The following GRK5 variants were observed in gnomAD, a reference collection of about 807,000 sequenced individuals.
GRK5 encodes the protein g protein-coupled receptor kinase GRK5.
Under a neutral mutation model 78.4 loss-of-function variants are expected in GRK5, and 40 were observed. That is an observed-to-expected ratio of 0.51 (90% CI 0.40 to 0.66). The LOEUF (loss-of-function observed/expected upper bound fraction) is 0.66, where lower values mean the gene tolerates loss of function less well. Among genes scored for constraint, GRK5 ranks in the 30% least tolerant of loss-of-function variants. The probability of loss-of-function intolerance (pLI) is 0.00; values close to 1 mark genes in which losing one functional copy is unlikely to be tolerated. For missense variants in GRK5, 598 were observed against 759.9 expected, an observed-to-expected ratio of 0.79 and a Z score of 2.50; for synonymous variants, 289 against 296.8, an observed-to-expected ratio of 0.97 and a Z score of 0.27.
chr10:119,450,272 T>C (rs79750129), intron 13 of GRK5, among the ~76,000 whole-genome samples: 2 of 152,278 alleles, frequency 1.3e-5, no homozygotes, highest in African/African-American at 4.8e-5. Flanking sequence ...GGGCTACCTA[T>C]TGCTATGGTG....
intron 1 of GRK5, among the ~76,000 whole-genome samples, chr10:119,237,085 C>T (rs1232560777): frequency 2.8e-5 from 3 of 107,018 alleles, no homozygotes; most frequent in Admixed American, 1.3e-4. Flanking sequence ...TTTTTTGAGA[C>T]GGAGTCTCAC....
chr10:119,305,192 A>T (rs1202450539), intron 1 of GRK5, among the ~76,000 whole-genome samples: 1 of 152,088 alleles, frequency 6.6e-6, no homozygotes, highest in East Asian at 1.9e-4. Flanking sequence ...TGAGCTCCAG[A>T]GTCCCGTGGT....
chr10:119,322,059 C>T (rs1435417049), intron 1 of GRK5, among the ~76,000 whole-genome samples: 1 of 152,216 alleles, frequency 6.6e-6, no homozygotes, highest in Non-Finnish European at 1.5e-5. Flanking sequence ...TAGCTCACTG[C>T]AGCCTTGAAC....
In GRK5 at chr10:119,350,277, C is replaced by A. The variant is rs533912002; in HGVS notation, c.148+23666C>A. The stretch of plus-strand genomic sequence containing the variant: ...CTACACCTGTCTTATTTTTTCAGTG[C>A]GGCATTTAGCCATGGGAGGGAGAGG... On this transcript the variant is annotated intron_variant, in intron 2 of 15. Transcript: ENST00000392870. Among the ~76,000 whole-genome samples, 3 of 152,288 alleles carry A rather than the reference C, an allele frequency of 2.0e-5. No homozygotes were observed. In the East Asian group the frequency reaches 5.8e-4, roughly 29 times the overall value.
chr10:119,272,836 G>A (rs1849606579), intron 1 of GRK5, among the ~76,000 whole-genome samples: 1 of 152,192 alleles, frequency 6.6e-6, no homozygotes, highest in Admixed American at 6.5e-5. Context: ...ACAGTTGTCT[G>A]TGTCACTTGT....
At position 119,207,651 on chromosome 10, in the gene GRK5, G is replaced by T. The variant is rs1425368324; in HGVS notation, c.-267G>T. On this transcript the variant is annotated 5_prime_UTR_variant, in exon 1 of 16. Transcript: ENST00000392870. Reference sequence around the variant, plus strand: ...TGACAGAGACACGCGGAGGGTGGGGGGTGGGGGGGAGCGTGTTGAGGGAGG... The same window carrying T: ...TGACAGAGACACGCGGAGGGTGGGGTGTGGGGGGGAGCGTGTTGAGGGAGG... 7 of 390,056 alleles carry T rather than the reference G, an allele frequency of 1.8e-5. No individual in the cohort carries two copies. Among genetic ancestry groups the T allele is most frequent in the Non-Finnish European group, 2.8e-5 (6 of 217,288 alleles). 24.2% of individuals were successfully genotyped at this position (390,056 alleles called of 1,614,324 possible). A position where few individuals can be genotyped will look rare whatever the true frequency, so the allele number is the denominator to read the frequency against.
chr10:119,300,337 T>C (rs1310325151), intron 1 of GRK5, among the ~76,000 whole-genome samples: 2 of 152,228 alleles, frequency 1.3e-5, no homozygotes, highest in Non-Finnish European at 2.9e-5. Context: ...TCTAAAGGAC[T>C]AGCCACAACG....
At chr10:119,386,356 A>G (rs763160367) in intron 3 of GRK5, among the ~76,000 whole-genome samples, 2 of 152,216 alleles carry the variant, frequency 1.3e-5, no homozygotes, top group Non-Finnish European at 2.9e-5. Flanking sequence ...GGAGCCATCT[A>G]GAGAGTTGAT....
At chr10:119,236,674 C>T (rs1351695193) in intron 1 of GRK5, among the ~76,000 whole-genome samples, 2 of 151,728 alleles carry the variant, frequency 1.3e-5, no homozygotes, top group African/African-American at 4.8e-5. Context: ...GAGTCTTGCT[C>T]TGTTGCTCAG....
chr10:119,329,525 C>A (rs1361888812), intron 2 of GRK5, among the ~76,000 whole-genome samples: 2 of 152,204 alleles, frequency 1.3e-5, no homozygotes, highest in East Asian at 3.9e-4. Flanking sequence ...AAGCTCCTTC[C>A]CTCAAGACCA....
At chr10:119,337,602 C>G (rs999279599) in intron 2 of GRK5, among the ~76,000 whole-genome samples, 21 of 152,092 alleles carry the variant, frequency 1.4e-4, no homozygotes, top group African/African-American at 4.3e-4. Context: ...ATGTCTGTCT[C>G]TAAGTTTCCC....
intron 1 of GRK5, among the ~76,000 whole-genome samples, chr10:119,231,110 A>G (rs1589691640): frequency 6.6e-6 from 1 of 152,218 alleles, no homozygotes; most frequent in Non-Finnish European, 1.5e-5. Flanking sequence ...GCAGCAAAAG[A>G]AACAATCAAC....
At chr10:119,302,983 T>C (rs371679293) in intron 1 of GRK5, among the ~76,000 whole-genome samples, 2 of 152,232 alleles carry the variant, frequency 1.3e-5, no homozygotes, top group Admixed American at 6.5e-5. Context: ...AGCTTAGAGG[T>C]TGATGGATCG....
Position 119,276,121 on chromosome 10 carries a change from C to CT in GRK5, c.53-50387dup, listed in dbSNP as rs890984806. On this transcript the variant is annotated intron_variant, in intron 1 of 15. Coordinates refer to ENST00000392870, the MANE Select transcript of GRK5 (RefSeq NM_005308.3). ...ACTCTGTTGTAAATGGTGAGTTTTT[C>CT]TTTTTTTTATTACACTTTAAGTTTT... Among the ~76,000 whole-genome samples, 8 of 152,102 alleles carry CT rather than the reference C, an allele frequency of 5.3e-5. No individual in the cohort carries two copies. The South Asian group carries it at 6.2e-4, about 12-fold the overall frequency.
intron 8 of GRK5, 142 bp from the exon 9 acceptor site, chr10:119,436,509 C>A: frequency 1.3e-6 from 1 of 778,222 alleles, no homozygotes; most frequent in Admixed American, 2.3e-5. Flanking sequence ...GGCAGGGTCA[C>A]CGCAGAGGCC....
chr10:119,350,782 C>G (rs1851174999), intron 2 of GRK5, among the ~76,000 whole-genome samples: 1 of 152,182 alleles, frequency 6.6e-6, no homozygotes, highest in Non-Finnish European at 1.5e-5. Flanking sequence ...CAATTGCAGA[C>G]TCCTCTGTTG....
intron 5 of GRK5, among the ~76,000 whole-genome samples, chr10:119,424,650 A>C (rs532729488): frequency 1.4e-5 from 2 of 141,560 alleles, no homozygotes; most frequent in Admixed American, 7.4e-5. Flanking sequence ...CTACCCTTCC[A>C]GTCCCCCCAA....
Position 119,380,808 on chromosome 10 carries a change from T to C in GRK5, c.149-7T>C, listed in dbSNP as rs1214800202. On this transcript the variant is annotated splice_polypyrimidine_tract_variant and splice_region_variant and intron_variant, in intron 2 of 15. Transcript: ENST00000392870. ...GTCTCATCACATTCTTCTTTTCTTGTCTCCAGACAGAGATTACTGCAGTTT... is the reference window on the plus strand; with the variant it reads ...GTCTCATCACATTCTTCTTTTCTTGCCTCCAGACAGAGATTACTGCAGTTT... 7 of 1,578,426 alleles carry C rather than the reference T, an allele frequency of 4.4e-6. No homozygotes were observed. The highest frequency in any genetic ancestry group is 5.2e-6 in the Non-Finnish European group (6 of 1,148,364).
intron 1 of GRK5, among the ~76,000 whole-genome samples, chr10:119,231,737 A>G (rs1848834089): frequency 6.6e-6 from 1 of 151,878 alleles, no homozygotes; most frequent in Admixed American, 6.6e-5. Context: ...AAAAAACTCA[A>G]CATCACTAAT....
Sources: allele counts gnomAD v4.1 joint callset (sites outside exome capture counted in the v4.1 genomes callset), GRCh38; gene constraint gnomAD v4.1.1; transcripts MANE v1.5; gene names NCBI Gene and HGNC (gene_info 2026-07-23, HGNC 2026-07-21).